The following VAV1 variants were observed in gnomAD, a reference collection of about 807,000 sequenced individuals.
VAV1 encodes vav guanine nucleotide exchange factor 1, also known as proto-oncogene vav.
VAV1 carries 33 observed loss-of-function variants against 128.1 expected under a neutral mutation model. The observed-to-expected ratio is 0.26, with a 90% confidence interval of 0.20 to 0.34. The LOEUF is 0.34. Among genes scored for constraint, VAV1 ranks in the 10% least tolerant of loss-of-function variants. The pLI is 1.00. For synonymous variants in VAV1, 394 were observed against 409.8 expected, an observed-to-expected ratio of 0.96 and a Z score of 0.47; for missense variants, 715 against 1,093.7, an observed-to-expected ratio of 0.65 and a Z score of 4.88.
At chr19:6,782,317 G>A (rs1970783766) in intron 1 of VAV1, among the ~76,000 whole-genome samples, 1 of 150,960 alleles carries the variant, frequency 6.6e-6, no homozygotes, top group Admixed American at 6.6e-5. Context: ...GCAACAGAGT[G>A]AGACTCCATC....
rs1220617518 is a variant in VAV1 at position 6,854,056 on chromosome 19, G to A, written c.2442G>A (p.Lys814=). 6.2e-7 allele frequency: 1 copy of A among 1,613,902 alleles called. No homozygotes were observed. The highest frequency in any genetic ancestry group is 8.5e-7 in the Non-Finnish European group (1 of 1,180,030). ...GTGACATCATCAAGATCCTTAACAA[G>A]AAGGGACAGCAAGGCTGGTGGCGAG... ...KEGDIIKILN[K]KGQQGWWRGE... The change falls in exon 26 of 27, where the codon AAG becomes AAA. Residue 814 remains lysine, a synonymous_variant. Coordinates refer to ENST00000602142, the MANE Select transcript of VAV1 (RefSeq NM_005428.4).
chr19:6,778,541 G>A (rs144553245), intron 1 of VAV1, among the ~76,000 whole-genome samples: 127 of 152,246 alleles, frequency 8.3e-4, no homozygotes, highest in Middle Eastern at 3.4e-3. Flanking sequence ...ACCTCTCTGA[G>A]CTTCAGTTTC....
At chr19:6,833,061 C>T (rs308200) in intron 15 of VAV1, 123 bp from the exon 16 acceptor site, 548,543 of 806,678 alleles carry the variant, frequency 0.68, 187,748 homozygotes, top group Non-Finnish European at 0.7. Context: ...GACCCAAAAG[C>T]CAATCAATGA....
chr19:6,805,417 T>A (rs928541336), intron 1 of VAV1, among the ~76,000 whole-genome samples: 2 of 151,240 alleles, frequency 1.3e-5, no homozygotes, highest in Non-Finnish European at 2.9e-5. Flanking sequence ...AGAGCAAGAC[T>A]CCATCTCAAA....
In VAV1 at chr19:6,777,292, T is replaced by C. The variant is rs1237251313; in HGVS notation, c.204+4281T>C. ...ATCCATCCATCCATCCATCCAGCAA[T>C]GACAAGGTCTGCCAGGCCCTGTTCT... On this transcript the variant is annotated intron_variant, in intron 1 of 26. Coordinates refer to ENST00000602142, the MANE Select transcript of VAV1 (RefSeq NM_005428.4). This position sits in a 1 kb window ranked among gnomAD's most constrained non-coding sequence, Gnocchi z 4.4. Among the ~76,000 whole-genome samples the C allele has an allele frequency of 6.6e-6, 1 of 151,678 alleles. No homozygotes were observed. Among genetic ancestry groups the C allele is most frequent in the Non-Finnish European group, 1.5e-5 (1 of 67,970 alleles).
chr19:6,845,972 G>T (rs989789951), intron 22 of VAV1, among the ~76,000 whole-genome samples: 1 of 147,668 alleles, frequency 6.8e-6, no homozygotes, highest in Non-Finnish European at 1.5e-5. Context: ...TATCATATGC[G>T]TTATATAATA....
intron 16 of VAV1, 49 bp downstream of exon 16, chr19:6,833,334 C>G (rs768801763): frequency 2.6e-6 from 4 of 1,553,826 alleles, no homozygotes; most frequent in East Asian, 2.3e-5. Flanking sequence ...GTCATCAGTT[C>G]CTTGCTAGAG....
intron 21 of VAV1, among the ~76,000 whole-genome samples, chr19:6,840,153 A>G (rs1053466534): frequency 5.9e-5 from 9 of 152,062 alleles, no homozygotes; most frequent in African/African-American, 2.2e-4. Context: ...TGACATTCAC[A>G]TTCTACTCTT....
chr19:6,845,533 ATAT>A (rs1444188051), intron 22 of VAV1, among the ~76,000 whole-genome samples: 6 of 151,834 alleles, frequency 4.0e-5, no homozygotes, highest in Admixed American at 6.6e-5. Context: ...ATGATGTTAG[ATAT>A]TATATGCAAT....
chr19:6,792,934 A>C (rs1306468963), intron 1 of VAV1, among the ~76,000 whole-genome samples: 1 of 152,106 alleles, frequency 6.6e-6, no homozygotes, highest in African/African-American at 2.4e-5. Flanking sequence ...AACAGCGCTG[A>C]GACCGAGGGA....
rs529437538 is a variant in VAV1 at position 6,853,996 on chromosome 19, C to T, written c.2382C>T (p.Cys794=). The T allele has an allele frequency of 6.2e-6, 10 of 1,613,750 alleles. No homozygotes were observed. The African/African-American group carries it at 6.7e-5, about 11-fold the overall frequency. ...CAGCCAAAGCCCGCTATGACTTCTG[C>T]GCCCGAGACCGATCAGAGCTGTCGC... The part of the protein sequence containing the change: ...FGTAKARYDF[C]ARDRSELSLK... The change falls in exon 26 of 27, where the codon TGC becomes TGT. Residue 794 remains cysteine (C), a synonymous_variant. Transcript: ENST00000602142.
intron 1 of VAV1, among the ~76,000 whole-genome samples, chr19:6,818,598 T>C (rs1177286604): frequency 6.6e-6 from 1 of 152,190 alleles, no homozygotes; most frequent in Non-Finnish European, 1.5e-5. Context: ...TCTTAACCCC[T>C]AGTACCTCAG....
At chr19:6,778,039 C>T (rs1231470579) in intron 1 of VAV1, among the ~76,000 whole-genome samples, 3 of 152,238 alleles carry the variant, frequency 2.0e-5, no homozygotes, top group East Asian at 3.9e-4. Flanking sequence ...CGGGTTCAAG[C>T]GATTCTCCTG....
Position 6,772,861 on chromosome 19 carries a change from G to C in VAV1, c.54G>C (p.Pro18=), listed in dbSNP as rs45448796. 0.12 allele frequency: 201,656 copies of C among 1,613,996 alleles called. 13,901 individuals carry two copies. Among genetic ancestry groups the C allele is most frequent in the South Asian group, 0.2 (18,440 of 91,080 alleles). The change falls in exon 1 of 27, where the codon CCG becomes CCC. Residue 18 remains proline, a synonymous_variant. Coordinates refer to ENST00000602142, the MANE Select transcript of VAV1 (RefSeq NM_005428.4). The surrounding 1 kb of genome is among the most constrained non-coding windows in gnomAD (Gnocchi z 4.8). ...THWLIQCRVL[P]PSHRVTWDGA... is the part of the protein sequence containing the mutation. Reference sequence around the variant, plus strand: ...GGCTCATCCAGTGCCGGGTGCTGCCGCCCAGCCACCGCGTGACCTGGGATG... The same window carrying C: ...GGCTCATCCAGTGCCGGGTGCTGCCCCCCAGCCACCGCGTGACCTGGGATG...
intron 14 of VAV1, among the ~76,000 whole-genome samples, chr19:6,831,848 A>C (rs1972062774): frequency 7.1e-6 from 1 of 141,416 alleles, no homozygotes; most frequent in Admixed American, 7.0e-5. Flanking sequence ...GCTTCTGCAA[A>C]GGGGAGTGTG....
Position 6,772,745 on chromosome 19 carries a change from G to C in VAV1, c.-63G>C, listed in dbSNP as rs1435382677. ...CGCTCCACAGGCGAGCAGGGCAGGCGTGCGGGCGGGTGGGTGGTGGAGGCT... is the reference window on the plus strand; with the variant it reads ...CGCTCCACAGGCGAGCAGGGCAGGCCTGCGGGCGGGTGGGTGGTGGAGGCT... On this transcript the variant is annotated 5_prime_UTR_variant, in exon 1 of 27. Coordinates refer to ENST00000602142, the MANE Select transcript of VAV1 (RefSeq NM_005428.4). This position sits in a 1 kb window ranked among gnomAD's most constrained non-coding sequence, Gnocchi z 4.8. The C allele has an allele frequency of 1.3e-6, 2 of 1,546,260 alleles. No homozygotes were observed. The highest frequency in any genetic ancestry group is 1.8e-6 in the Non-Finnish European group (2 of 1,139,466).
At chr19:6,805,368 C>T (rs943501234) in intron 1 of VAV1, among the ~76,000 whole-genome samples, 6 of 151,676 alleles carry the variant, frequency 4.0e-5, no homozygotes, top group Non-Finnish European at 8.8e-5. Flanking sequence ...GAGGTTGCAG[C>T]GAGTTGAGAT....
chr19:6,833,085 C>T, intron 15 of VAV1, 99 bp from the exon 16 acceptor site: 5 of 1,054,938 alleles, frequency 4.7e-6, no homozygotes, highest in Non-Finnish European at 6.7e-6. Context: ...AGTGGACACG[C>T]AAAACGTGGT....
At position 6,817,265 on chromosome 19, in the gene VAV1, T is replaced by C. The variant is rs545752129; in HGVS notation, c.205-3437T>C. Among the ~76,000 whole-genome samples the C allele has an allele frequency of 4.8e-4, 73 of 152,166 alleles. 1 individual carries two copies. The highest frequency in any genetic ancestry group is 9.7e-4 in the Non-Finnish European group (66 of 68,008). On this transcript the variant is annotated intron_variant, in intron 1 of 26. Coordinates refer to ENST00000602142, the MANE Select transcript of VAV1 (RefSeq NM_005428.4). ...TTTTAGTAGAAATGGGGTTTCACCA[T>C]GTTGCCCAGGCTGGTTTTGAACTCC...
Sources: gnomAD v4.1 joint callset for allele counts (sites outside exome capture counted in the v4.1 genomes callset) on GRCh38, gnomAD v4.1.1 for gene constraint, Gnocchi (gnomAD v3.1) non-coding constraint, MANE v1.5 for transcripts, NCBI Gene and HGNC (gene_info 2026-07-23, HGNC 2026-07-21) for gene names.